The following GRB2 variants were observed in gnomAD, a reference collection of about 807,000 sequenced individuals.
GRB2 encodes growth factor receptor-bound protein 2.
GRB2 carries 2 observed loss-of-function variants against 27.4 expected under a neutral mutation model. That is an observed-to-expected ratio of 0.07 (90% CI 0.03 to 0.23). GRB2 has a LOEUF of 0.23. Among genes scored for constraint, GRB2 ranks in the 10% least tolerant of loss-of-function variants. GRB2 has a pLI of 1.00. For synonymous variants in GRB2, 94 were observed against 99.6 expected, an observed-to-expected ratio of 0.94 and a Z score of 0.33; for missense variants, 102 against 282.4, an observed-to-expected ratio of 0.36 and a Z score of 4.58.
intron 3 of GRB2, among the ~76,000 whole-genome samples, chr17:75,327,415 G>A (rs950260845): frequency 4.2e-5 from 6 of 144,094 alleles, no homozygotes; most frequent in Non-Finnish European, 9.0e-5. Flanking sequence ...CTGTCATCAA[G>A]GCTGGAGTGC....
chr17:75,402,151 T>C (rs2079068002), intron 1 of GRB2, among the ~76,000 whole-genome samples: 1 of 152,226 alleles, frequency 6.6e-6, no homozygotes, highest in Non-Finnish European at 1.5e-5. Flanking sequence ...GCCCATTTTA[T>C]AACAAAGTGA....
At chr17:75,368,338 C>T (rs2078833706) in intron 2 of GRB2, among the ~76,000 whole-genome samples, 1 of 151,444 alleles carries the variant, frequency 6.6e-6, no homozygotes, top group Non-Finnish European at 1.5e-5. Context: ...GCCTCAGCCT[C>T]CTGAGTAGGT....
At chr17:75,343,651 A>G (rs911456498) in intron 2 of GRB2, among the ~76,000 whole-genome samples, 4 of 151,528 alleles carry the variant, frequency 2.6e-5, no homozygotes, top group East Asian at 2.0e-4. Context: ...CCACCCAGAT[A>G]AATCTGGAGG....
chr17:75,373,996 C>T (rs1457844040), intron 2 of GRB2, among the ~76,000 whole-genome samples: 5 of 151,468 alleles, frequency 3.3e-5, no homozygotes, highest in South Asian at 2.1e-4. Context: ...AGGGTTTCAC[C>T]GTGTTAGCCA....
At chr17:75,338,459 A>G (rs924268653) in intron 2 of GRB2, among the ~76,000 whole-genome samples, 3 of 152,180 alleles carry the variant, frequency 2.0e-5, no homozygotes, top group African/African-American at 7.2e-5. Context: ...CCTCTGCACA[A>G]ATCCACGGGT....
chr17:75,367,488 T>A (rs567144508), intron 2 of GRB2, among the ~76,000 whole-genome samples: 1 of 152,288 alleles, frequency 6.6e-6, no homozygotes, highest in South Asian at 2.1e-4. Context: ...TTACCCTCTT[T>A]TTAAGGGAGA....
chr17:75,390,771 A>T (rs2078993274), intron 2 of GRB2, among the ~76,000 whole-genome samples: 1 of 152,198 alleles, frequency 6.6e-6, no homozygotes, highest in Admixed American at 6.5e-5. Context: ...AGAAGATGTG[A>T]TCCTTCTGAA....
intron 2 of GRB2, chr17:75,371,292 A>AT (rs1446835025): frequency 6.8e-6 from 1 of 147,686 alleles, no homozygotes; most frequent in African/African-American, 2.5e-5. Context: ...AAATAAAGGA[A>AT]TAAAAAAAAA....
intron 2 of GRB2, among the ~76,000 whole-genome samples, chr17:75,334,627 TG>T (rs561397753): frequency 4.5e-4 from 69 of 152,170 alleles, no homozygotes; most frequent in African/African-American, 1.6e-3. Context: ...AGATTAATGA[TG>T]ACTAGTAGTA....
chr17:75,361,705 G>A (rs2078783006), intron 2 of GRB2, among the ~76,000 whole-genome samples: 1 of 151,864 alleles, frequency 6.6e-6, no homozygotes, highest in Non-Finnish European at 1.5e-5. Context: ...CAAACTAGGG[G>A]GAAAAAGCTT....
At chr17:75,384,140 G>A (rs4789183) in intron 2 of GRB2, among the ~76,000 whole-genome samples, 100,481 of 152,042 alleles carry the variant, frequency 0.66, 38,193 homozygotes, top group East Asian at 0.91. Flanking sequence ...CCAAAAGGAC[G>A]AAGGTTTTCC....
intron 2 of GRB2, 66 bp downstream of exon 2, chr17:75,393,485 G>A: frequency 8.3e-7 from 1 of 1,206,430 alleles, no homozygotes; most frequent in East Asian, 2.3e-5. Flanking sequence ...TGTGTAATCA[G>A]GGCGAAAGAA....
In GRB2 at chr17:75,397,795, C is replaced by T. The variant is rs182747082; in HGVS notation, c.-137-4030G>A. On this transcript the variant is annotated intron_variant, in intron 1 of 5. Coordinates refer to ENST00000316804, the MANE Select transcript of GRB2 (RefSeq NM_002086.5). ...TACATTAAGTGCTCTGGATAGAGCC[C>T]GACATGTAATAATCACTCAAAATTT... Among the ~76,000 whole-genome samples the T allele has an allele frequency of 2.9e-3, 437 of 150,216 alleles. 6 individuals carry two copies. The highest frequency in any genetic ancestry group is 0.011 in the African/African-American group (427 of 40,606).
chr17:75,381,145 GAT>G (rs1052020271), intron 2 of GRB2, among the ~76,000 whole-genome samples: 2 of 152,098 alleles, frequency 1.3e-5, no homozygotes, highest in Non-Finnish European at 2.9e-5. Context: ...ACATTAACTT[GAT>G]ATGTTATACA....
chr17:75,381,737 A>G (rs1377021161), intron 2 of GRB2, among the ~76,000 whole-genome samples: 273 of 36,550 alleles, frequency 7.5e-3, no homozygotes, highest in Non-Finnish European at 0.043. Context: ...AAAAAAAAGA[A>G]AAAAAAAAAG....
intron 2 of GRB2, 175 bp downstream of exon 2, chr17:75,393,376 C>T (rs2079010111): frequency 1.6e-6 from 1 of 633,676 alleles, no homozygotes; most frequent in Non-Finnish European, 2.8e-6. Flanking sequence ...CACCAACTCA[C>T]TTAAGTCATA....
intron 3 of GRB2, among the ~76,000 whole-genome samples, chr17:75,327,748 A>C (rs1327864381): frequency 6.6e-6 from 1 of 152,212 alleles, no homozygotes. Flanking sequence ...TCAAACAGAA[A>C]GATGTGATCT....
Position 75,342,970 on chromosome 17 carries a change from G to A in GRB2, c.79-10173C>T, listed in dbSNP as rs117159137. ...AGGCTGAGGTGGGAGGATTGCTTGA[G>A]CCTGGGAGGTCGAGGCCTGCAGTGA... On this transcript the variant is annotated intron_variant, in intron 2 of 5. Coordinates refer to ENST00000316804, the MANE Select transcript of GRB2 (RefSeq NM_002086.5). 9.9e-3 allele frequency among the ~76,000 whole-genome samples: 1,493 copies of A among 150,330 alleles called. 49 individuals carry two copies. Among genetic ancestry groups the A allele is most frequent in the East Asian group, 0.077 (392 of 5,104 alleles).
intron 2 of GRB2, among the ~76,000 whole-genome samples, chr17:75,353,970 G>A (rs572066676): frequency 8.2e-4 from 125 of 151,692 alleles, no homozygotes; most frequent in African/African-American, 2.9e-3. Flanking sequence ...GACCCGGGAG[G>A]CGGAGGTTGC....
Sources: allele counts gnomAD v4.1 joint callset (sites outside exome capture counted in the v4.1 genomes callset), GRCh38; gene constraint gnomAD v4.1.1; transcripts MANE v1.5; gene names NCBI Gene and HGNC (gene_info 2026-07-23, HGNC 2026-07-21).